The following RIC8B variants were observed in gnomAD, a reference collection of about 807,000 sequenced individuals.
The protein encoded by RIC8B is RIC8 guanine nucleotide exchange factor B.
A neutral mutation model predicts 57.5 loss-of-function variants in RIC8B; 16 were observed. That is an observed-to-expected ratio of 0.28 (90% confidence interval 0.19 to 0.42). The LOEUF is 0.42. Among genes scored for constraint, RIC8B ranks in the 10% least tolerant of loss-of-function variants. The probability of loss-of-function intolerance (pLI) is 1.00; values close to 1 mark genes in which losing one functional copy is unlikely to be tolerated. For missense variants in RIC8B, 481 were observed against 677.0 expected, an observed-to-expected ratio of 0.71 and a Z score of 3.21; for synonymous variants, 216 against 250.8, an observed-to-expected ratio of 0.86 and a Z score of 1.31.
At chr12:106,815,424 T>A in intron 3 of RIC8B, 120 bp downstream of exon 3, 1 of 985,040 alleles carries the variant, frequency 1.0e-6, no homozygotes, top group African/African-American at 1.6e-5. Flanking sequence ...CTTCTCCCAT[T>A]AAGCAATTGT....
intron 2 of RIC8B, among the ~76,000 whole-genome samples, chr12:106,797,277 TA>T (rs556925727): frequency 4.6e-5 from 7 of 152,298 alleles, no homozygotes; most frequent in South Asian, 4.1e-4. Context: ...AGTGGATAAA[TA>T]AAATGTGTTA....
intron 1 of RIC8B, 110 bp downstream of exon 1, chr12:106,774,939 C>G: frequency 1.2e-6 from 1 of 818,958 alleles, no homozygotes; most frequent in Non-Finnish European, 1.9e-6. Flanking sequence ...GCATTGCTCT[C>G]CCCCGAAAAC....
intron 3 of RIC8B, among the ~76,000 whole-genome samples, chr12:106,818,428 T>G (rs765534363): frequency 7.2e-5 from 11 of 152,012 alleles, no homozygotes; most frequent in Non-Finnish European, 1.2e-4. Context: ...CCTCCCAAAG[T>G]GCTAGGATTA....
intron 9 of RIC8B, among the ~76,000 whole-genome samples, chr12:106,877,083 G>A (rs192681591): frequency 6.6e-6 from 1 of 152,082 alleles, no homozygotes; most frequent in East Asian, 1.9e-4. Flanking sequence ...TAGGTGGGTA[G>A]CAGATTTTTA....
At chr12:106,820,118 A>C (rs2045773288) in intron 3 of RIC8B, among the ~76,000 whole-genome samples, 1 of 152,242 alleles carries the variant, frequency 6.6e-6, no homozygotes, top group South Asian at 2.1e-4. Context: ...TTACAGTTAC[A>C]GAAAATGCAA....
chr12:106,842,582 T>C lies in RIC8B; in HGVS notation c.837-7T>C. On this transcript the variant is annotated splice_polypyrimidine_tract_variant and splice_region_variant and intron_variant, in intron 4 of 9. Transcript: ENST00000392837. ...TAAAATATTGTATTTTTTTAATTGCTTTTCAGCAATGCAGTCAACCTTTTA... is the reference window on the plus strand; with the variant it reads ...TAAAATATTGTATTTTTTTAATTGCCTTTCAGCAATGCAGTCAACCTTTTA... 6.2e-7 allele frequency: 1 copy of C among 1,605,520 alleles called. No homozygotes were observed. Among genetic ancestry groups the C allele is most frequent in the Non-Finnish European group, 8.5e-7 (1 of 1,173,796 alleles).
At chr12:106,822,077 C>CAAAAAAAAAAAAAAAAAAAAA (rs67378158) in intron 3 of RIC8B, among the ~76,000 whole-genome samples, 4 of 38,038 alleles carry the variant, frequency 1.1e-4, no homozygotes, top group Non-Finnish European at 1.8e-4. Flanking sequence ...GACTCCATCT[C>CAAAAAAAAAAAAAAAAAAAAA]AAAAAAAAAA....
At chr12:106,820,477 TTCC>T (rs1299140044) in intron 3 of RIC8B, among the ~76,000 whole-genome samples, 1 of 152,228 alleles carries the variant, frequency 6.6e-6, no homozygotes. Flanking sequence ...TGGTCTTGTC[TTCC>T]TCCTGTTTTA....
intron 2 of RIC8B, among the ~76,000 whole-genome samples, chr12:106,792,808 G>C (rs1291122947): frequency 6.6e-6 from 1 of 151,816 alleles, no homozygotes; most frequent in East Asian, 1.9e-4. Context: ...TATCTCTAAG[G>C]AAAAAAAGCA....
chr12:106,841,848 A>G (rs1218774325), intron 4 of RIC8B, among the ~76,000 whole-genome samples: 1 of 152,144 alleles, frequency 6.6e-6, no homozygotes, highest in Non-Finnish European at 1.5e-5. Context: ...TCTTTTGTAC[A>G]CTGAACAACA....
intron 2 of RIC8B, among the ~76,000 whole-genome samples, chr12:106,810,115 G>A (rs1252521450): frequency 1.2e-4 from 18 of 148,320 alleles, no homozygotes; most frequent in Non-Finnish European, 2.5e-4. Context: ...ATGTCCCAGC[G>A]TCTATTTTAT....
intron 1 of RIC8B, among the ~76,000 whole-genome samples, chr12:106,783,711 C>T (rs1458682537): frequency 2.0e-5 from 3 of 152,198 alleles, no homozygotes; most frequent in East Asian, 1.9e-4. Flanking sequence ...TTATCCCTCA[C>T]GATCCAACAC....
intron 8 of RIC8B, chr12:106,868,199 T>A (rs1950220761): frequency 4.6e-6 from 2 of 436,986 alleles, no homozygotes; most frequent in Admixed American, 2.4e-5. Flanking sequence ...AGCTTACCAG[T>A]GTGTCCTCCT....
chr12:106,796,087 C>A (rs1485116041), intron 2 of RIC8B, among the ~76,000 whole-genome samples: 9 of 152,186 alleles, frequency 5.9e-5, no homozygotes, highest in Admixed American at 5.9e-4. Flanking sequence ...TCATATTGAT[C>A]TACAGATTCA....
intron 6 of RIC8B, among the ~76,000 whole-genome samples, chr12:106,844,970 C>T (rs1399138094): frequency 6.6e-6 from 1 of 152,128 alleles, no homozygotes; most frequent in Non-Finnish European, 1.5e-5. Flanking sequence ...TTATTTAGTA[C>T]CCTCAATCCA....
rs548237528 is a variant in RIC8B at position 106,807,979 on chromosome 12, G to A, written c.133-6717G>A. On this transcript the variant is annotated intron_variant, in intron 2 of 9. Transcript: ENST00000392837. ...ACGTGTCTGTAATCCCAGCTACTCAGGAGGCTGGGGCAGGAGAATCGCTTG... is the reference window on the plus strand; with the variant it reads ...ACGTGTCTGTAATCCCAGCTACTCAAGAGGCTGGGGCAGGAGAATCGCTTG... Among the ~76,000 whole-genome samples the A allele has an allele frequency of 2.0e-5, 3 of 151,940 alleles. No individual in the cohort carries two copies. The East Asian group carries it at 5.8e-4, about 29-fold the overall frequency.
intron 2 of RIC8B, among the ~76,000 whole-genome samples, chr12:106,807,041 A>G (rs2045070638): frequency 6.6e-6 from 1 of 152,218 alleles, no homozygotes. Context: ...GGCTTAAGCC[A>G]GAAACTTCCC....
intron 4 of RIC8B, among the ~76,000 whole-genome samples, chr12:106,842,216 C>T (rs1948982430): frequency 6.6e-6 from 1 of 152,138 alleles, no homozygotes; most frequent in South Asian, 2.1e-4. Flanking sequence ...TAATAAAACA[C>T]CAGTGGATCC....
intron 2 of RIC8B, among the ~76,000 whole-genome samples, chr12:106,785,785 G>GTCTCTCTCTCTCTCTCTCTCTCTCTC (rs370138594): frequency 1.0e-3 from 107 of 103,716 alleles, no homozygotes; most frequent in Non-Finnish European, 1.1e-3. Context: ...TGTATTCTAT[G>GTCTCTCTCTCTCTCTCTCTCTCTCTC]TCTCTCTCTC....
Sources: allele counts gnomAD v4.1 joint callset (sites outside exome capture counted in the v4.1 genomes callset), GRCh38; gene constraint gnomAD v4.1.1; transcripts MANE v1.5; gene names NCBI Gene and HGNC (gene_info 2026-07-23, HGNC 2026-07-21).